CNBD1: variants seen among roughly 807,000 people sequenced by gnomAD.
CNBD1 encodes cyclic nucleotide-binding domain-containing protein 1.
A neutral mutation model predicts 54.4 loss-of-function variants in CNBD1; 71 were observed. The ratio of observed to expected loss-of-function variants is 1.30; its 90% CI spans 1.08 to 1.59. The LOEUF is 1.59. Among genes scored for constraint, CNBD1 ranks in the 40% most tolerant of loss-of-function variants. The probability of loss-of-function intolerance (pLI) is 0.00; values close to 1 mark genes in which losing one functional copy is unlikely to be tolerated. For missense variants in CNBD1, 659 were observed against 518.0 expected, an observed-to-expected ratio of 1.27 and a Z score of -2.64; for synonymous variants, 182 against 170.7, an observed-to-expected ratio of 1.07 and a Z score of -0.51.
intron 2 of CNBD1, among the ~76,000 whole-genome samples, chr8:87,396,688 A>C (rs1483762744): frequency 6.6e-6 from 1 of 151,462 alleles, no homozygotes. Flanking sequence ...TCCCTTTTTA[A>C]TCAATTCATA....
At chr8:87,287,944 GT>G (rs1808726555) in intron 8 of CNBD1, among the ~76,000 whole-genome samples, 1 of 151,936 alleles carries the variant, frequency 6.6e-6, no homozygotes, top group Non-Finnish European at 1.5e-5. Context: ...GTAATATTAT[GT>G]TTTTGTTTAT....
At chr8:87,044,201 T>A (rs1586218656) in intron 4 of CNBD1, among the ~76,000 whole-genome samples, 1 of 152,152 alleles carries the variant, frequency 6.6e-6, no homozygotes, top group East Asian at 1.9e-4. Context: ...CATGATCATA[T>A]GTTTTTGTGG....
At chr8:87,258,043 T>A (rs182231812) in intron 6 of CNBD1, among the ~76,000 whole-genome samples, 18 of 152,250 alleles carry the variant, frequency 1.2e-4, no homozygotes, top group Non-Finnish European at 1.8e-4. Flanking sequence ...AAACATTATT[T>A]TTATGTTGAC....
chr8:87,209,471 G>GA (rs1349132903), intron 5 of CNBD1, among the ~76,000 whole-genome samples: 2 of 152,042 alleles, frequency 1.3e-5, no homozygotes, highest in Non-Finnish European at 2.9e-5. Flanking sequence ...TCAAGGAAGT[G>GA]AAAGACCTGT....
downstream of CNBD1, among the ~76,000 whole-genome samples, chr8:87,387,278 G>A (rs1332493099): frequency 6.6e-6 from 1 of 152,014 alleles, no homozygotes; most frequent in African/African-American, 2.4e-5. Context: ...ATGTAAATGG[G>A]CTAAACACTC....
intron 8 of CNBD1, among the ~76,000 whole-genome samples, chr8:87,333,652 G>C (rs996812501): frequency 6.6e-6 from 1 of 152,152 alleles, no homozygotes. Context: ...TTTGTCATTA[G>C]TTATGTTTAT....
intron 4 of CNBD1, among the ~76,000 whole-genome samples, chr8:87,001,636 A>G (rs1808995492): frequency 6.6e-6 from 1 of 152,184 alleles, no homozygotes; most frequent in Non-Finnish European, 1.5e-5. Context: ...TCAATCATTC[A>G]TTTCTGTAAT....
chr8:87,064,581 G>C (rs535954805), intron 4 of CNBD1, among the ~76,000 whole-genome samples: 3 of 151,296 alleles, frequency 2.0e-5, no homozygotes, highest in Non-Finnish European at 4.4e-5. Context: ...ACATTTTTTT[G>C]ACCTTTGTTT....
intron 5 of CNBD1, among the ~76,000 whole-genome samples, chr8:87,229,448 A>G (rs971718733): frequency 3.9e-5 from 6 of 152,314 alleles, no homozygotes; most frequent in African/African-American, 9.6e-5. Context: ...CAATTCATAC[A>G]TTTAACACCA....
chr8:86,970,102 CTA>C (rs1808187209), intron 4 of CNBD1, among the ~76,000 whole-genome samples: 1 of 152,020 alleles, frequency 6.6e-6, no homozygotes. Flanking sequence ...TTATTTACAA[CTA>C]TATGGCTTTG....
At chr8:86,997,369 G>A (rs545178123) in intron 4 of CNBD1, among the ~76,000 whole-genome samples, 67 of 152,268 alleles carry the variant, frequency 4.4e-4, no homozygotes, top group Admixed American at 1.0e-3. Context: ...CCTCTAGGGT[G>A]TACACTAGGA....
At chr8:87,272,659 A>G (rs1298322217) in intron 6 of CNBD1, among the ~76,000 whole-genome samples, 2 of 152,012 alleles carry the variant, frequency 1.3e-5, no homozygotes, top group Admixed American at 1.3e-4. Flanking sequence ...CAGTCAATTT[A>G]TACATGGATA....
intron 2 of CNBD1, among the ~76,000 whole-genome samples, chr8:87,424,772 C>G (rs546840475): frequency 6.6e-6 from 1 of 152,154 alleles, no homozygotes; most frequent in African/African-American, 2.4e-5. Flanking sequence ...TTCATTTCAA[C>G]TTTGGTGAAT....
At chr8:87,318,391 A>G (rs2067812268) in intron 8 of CNBD1, among the ~76,000 whole-genome samples, 1 of 152,040 alleles carries the variant, frequency 6.6e-6, no homozygotes, top group African/African-American at 2.4e-5. Flanking sequence ...TCTTGCTTTT[A>G]ATCTTTCTCA....
intron 4 of CNBD1, among the ~76,000 whole-genome samples, chr8:87,051,020 C>T (rs1810300376): frequency 6.6e-6 from 1 of 152,132 alleles, no homozygotes; most frequent in South Asian, 2.1e-4. Context: ...TATTGGTTTC[C>T]ACTAAGAGGA....
intron 4 of CNBD1, among the ~76,000 whole-genome samples, chr8:86,948,667 G>A (rs192106284): frequency 2.0e-5 from 3 of 152,132 alleles, no homozygotes; most frequent in African/African-American, 7.2e-5. Flanking sequence ...TTAATCCCTT[G>A]TCAGAGGGGT....
chr8:86,932,994 C>T (rs898257254), intron 3 of CNBD1, among the ~76,000 whole-genome samples: 7 of 152,058 alleles, frequency 4.6e-5, no homozygotes, highest in South Asian at 2.1e-4. Flanking sequence ...GACACATTCT[C>T]GAAAACCTGC....
intron 5 of CNBD1, among the ~76,000 whole-genome samples, chr8:87,223,953 A>G (rs1481213413): frequency 5.9e-5 from 9 of 152,248 alleles, no homozygotes; most frequent in Middle Eastern, 3.4e-3. Context: ...GTGAGATGGT[A>G]TCTCATTGTG....
At chr8:86,941,172 G>A (rs1349648040) in intron 4 of CNBD1, among the ~76,000 whole-genome samples, 1 of 152,048 alleles carries the variant, frequency 6.6e-6, no homozygotes, top group African/African-American at 2.4e-5. Flanking sequence ...AGGAAACAAT[G>A]AATACTAATC....
Sources: gnomAD v4.1 joint callset for allele counts (sites outside exome capture counted in the v4.1 genomes callset) on GRCh38, gnomAD v4.1.1 for gene constraint, MANE v1.5 for transcripts, NCBI Gene and HGNC (gene_info 2026-07-23, HGNC 2026-07-21) for gene names.